LOC128706666: variants seen among roughly 807,000 people sequenced by gnomAD.
chr20:10,434,015 T>A, the LOC128706666 span: 2 of 152,316 alleles, frequency 1.3e-5, no homozygotes, highest in Non-Finnish European at 2.9e-5. Flanking sequence ...CGGTGACCTT[T>A]GGGGGTGGAG....
the LOC128706666 span, among the ~76,000 whole-genome samples, chr20:10,425,865 C>T: frequency 6.6e-6 from 1 of 152,046 alleles, no homozygotes; most frequent in Non-Finnish European, 1.5e-5. Flanking sequence ...CCTGAATCTT[C>T]TTTAAACATA....
chr20:10,422,963 G>A, the LOC128706666 span, among the ~76,000 whole-genome samples: 1 of 151,952 alleles, frequency 6.6e-6, no homozygotes, highest in Non-Finnish European at 1.5e-5. Context: ...CGCTCGCCTC[G>A]GCCTCCCAAA....
the LOC128706666 span, among the ~76,000 whole-genome samples, chr20:10,424,463 C>T: frequency 6.6e-6 from 1 of 152,016 alleles, no homozygotes. Flanking sequence ...ATTTCTTTCA[C>T]TTAATAGTGA....
the LOC128706666 span, among the ~76,000 whole-genome samples, chr20:10,415,038 A>G: frequency 2.6e-5 from 4 of 152,344 alleles, no homozygotes; most frequent in African/African-American, 9.6e-5. Context: ...ATAAAATGTT[A>G]TATATCAAAA....
the LOC128706666 span, among the ~76,000 whole-genome samples, chr20:10,415,843 C>A: frequency 6.6e-6 from 1 of 152,036 alleles, no homozygotes; most frequent in African/African-American, 2.4e-5. Context: ...GTACACATAT[C>A]TTTTGGCTAG....
At chr20:10,414,282 T>TTTTTTTG in the LOC128706666 span, among the ~76,000 whole-genome samples, 1 of 150,942 alleles carries the variant, frequency 6.6e-6, no homozygotes. Flanking sequence ...TTTTTTTTTT[T>TTTTTTTG]GAGATGGAGT....
chr20:10,423,288 G>A, the LOC128706666 span, among the ~76,000 whole-genome samples: 1 of 152,086 alleles, frequency 6.6e-6, no homozygotes, highest in Non-Finnish European at 1.5e-5. Context: ...GCATGGTGGC[G>A]CACGCCTGTA....
chr20:10,414,265 C>CT, the LOC128706666 span, among the ~76,000 whole-genome samples: 6,381 of 132,306 alleles, frequency 0.048, 510 homozygotes, highest in African/African-American at 0.16. Context: ...GTCTCTGAGT[C>CT]TTTTTTTTTT....
At chr20:10,432,780 ACT>A in the LOC128706666 span, among the ~76,000 whole-genome samples, 1 of 89,490 alleles carries the variant, frequency 1.1e-5, no homozygotes, top group Non-Finnish European at 2.3e-5. Flanking sequence ...ACAGAGCGAG[ACT>A]CTTTGTCAAA....
At chr20:10,420,181 AAAAG>A in the LOC128706666 span, among the ~76,000 whole-genome samples, 1 of 152,220 alleles carries the variant, frequency 6.6e-6, no homozygotes, top group Non-Finnish European at 1.5e-5. Flanking sequence ...TGTTAAAAAA[AAAAG>A]AACACTAATA....
the LOC128706666 span, among the ~76,000 whole-genome samples, chr20:10,428,856 A>C: frequency 6.6e-6 from 1 of 152,078 alleles, no homozygotes; most frequent in Non-Finnish European, 1.5e-5. Context: ...TAAATAAATA[A>C]ATAAATAAAA....
chr20:10,415,124 A>ATT, the LOC128706666 span, among the ~76,000 whole-genome samples: 1 of 152,254 alleles, frequency 6.6e-6, no homozygotes, highest in South Asian at 2.1e-4. Flanking sequence ...CTTGAGGCAT[A>ATT]AATTCCTGAC....
the LOC128706666 span, among the ~76,000 whole-genome samples, chr20:10,415,666 A>T: frequency 6.6e-6 from 1 of 152,242 alleles, no homozygotes; most frequent in Non-Finnish European, 1.5e-5. Flanking sequence ...TGACTTCTAT[A>T]TGTTAATTTG....
At chr20:10,423,569 T>G in the LOC128706666 span, among the ~76,000 whole-genome samples, 2 of 152,186 alleles carry the variant, frequency 1.3e-5, no homozygotes, top group African/African-American at 4.8e-5. Flanking sequence ...TACTATTCTC[T>G]CCAGCAAAGT....
the LOC128706666 span, among the ~76,000 whole-genome samples, chr20:10,425,352 G>C: frequency 6.6e-6 from 1 of 152,132 alleles, no homozygotes; most frequent in African/African-American, 2.4e-5. Context: ...ATGCTTTATT[G>C]CAAAATATGC....
At chr20:10,415,457 A>G in the LOC128706666 span, among the ~76,000 whole-genome samples, 103 of 152,182 alleles carry the variant, frequency 6.8e-4, no homozygotes, top group Non-Finnish European at 1.2e-3. Context: ...TAACCATGGC[A>G]ACTGGGCCCA....
At chr20:10,423,771 G>C in the LOC128706666 span, among the ~76,000 whole-genome samples, 1 of 152,170 alleles carries the variant, frequency 6.6e-6, no homozygotes, top group African/African-American at 2.4e-5. Flanking sequence ...AAGGATCGAT[G>C]AATCTTTTTC....
chr20:10,426,409 T>C, the LOC128706666 span, among the ~76,000 whole-genome samples: 167 of 147,552 alleles, frequency 1.1e-3, 1 homozygote, highest in Middle Eastern at 0.021. Flanking sequence ...TGGCATGTTG[T>C]TCTTTTTTCT....
chr20:10,423,248 G>A, the LOC128706666 span, among the ~76,000 whole-genome samples: 1 of 152,016 alleles, frequency 6.6e-6, no homozygotes, highest in African/African-American at 2.4e-5. Flanking sequence ...GGCAAAACCC[G>A]TTTCTACAAA....
Sources: allele counts gnomAD v4.1 joint callset (sites outside exome capture counted in the v4.1 genomes callset), GRCh38; gene constraint gnomAD v4.1.1; transcripts MANE v1.5.